Variants in ZFPM2 observed in about 807,000 individuals in gnomAD.
ZFPM2 encodes zinc finger protein, FOG family member 2.
ZFPM2 carries 20 observed loss-of-function variants against 98.6 expected under a neutral mutation model. That is an observed-to-expected ratio of 0.20 (90% confidence interval 0.14 to 0.29). The LOEUF is 0.29. ZFPM2 is among the 10% of genes least tolerant of loss of function. ZFPM2 has a pLI of 1.00. For synonymous variants in ZFPM2, 518 were observed against 502.7 expected, an observed-to-expected ratio of 1.03 and a Z score of -0.41; for missense variants, 1,310 against 1,388.6, an observed-to-expected ratio of 0.94 and a Z score of 0.90.
intron 4 of ZFPM2, among the ~76,000 whole-genome samples, chr8:105,629,198 C>T (rs1382425511): frequency 6.6e-6 from 1 of 152,184 alleles, no homozygotes; most frequent in East Asian, 1.9e-4. Context: ...TGCTTGTTCA[C>T]TCCAGTTCCC....
intron 1 of ZFPM2, among the ~76,000 whole-genome samples, chr8:105,364,472 A>G (rs1292854315): frequency 6.6e-6 from 1 of 152,092 alleles, no homozygotes; most frequent in Non-Finnish European, 1.5e-5. Context: ...TATTCATCTC[A>G]ACTACAAATT....
rs527954033 is a variant in ZFPM2 at position 105,642,250 on chromosome 8, C to A, written c.532+7893C>A. On this transcript the variant is annotated intron_variant, in intron 5 of 7. Transcript: ENST00000407775. ...TCTAGGTGAAAAAAGGCAGAATATG[C>A]GGCTTTGTGCCTAACATGATTATGC... Among the ~76,000 whole-genome samples, 9 of 152,048 alleles carry A rather than the reference C, an allele frequency of 5.9e-5. No homozygotes were observed. The East Asian group carries it at 1.2e-3, about 20-fold the overall frequency.
chr8:105,800,134 A>C (rs1415549984), intron 7 of ZFPM2, among the ~76,000 whole-genome samples: 2 of 152,166 alleles, frequency 1.3e-5, no homozygotes, highest in Non-Finnish European at 2.9e-5. Context: ...TTAAGGAGAA[A>C]AAGAGACAAG....
intron 5 of ZFPM2, among the ~76,000 whole-genome samples, chr8:105,691,230 A>AATTTTTTTTTT: frequency 1.2e-5 from 1 of 83,272 alleles, no homozygotes; most frequent in East Asian, 3.3e-4. Context: ...TCCCAAAGAG[A>AATTTTTTTTTT]CTTTTTTTTT....
chr8:105,648,735 G>A (rs1295282956), intron 5 of ZFPM2, among the ~76,000 whole-genome samples: 5 of 152,064 alleles, frequency 3.3e-5, no homozygotes, highest in South Asian at 2.1e-4. Context: ...CCATTGGTCT[G>A]TATCTCTGTT....
intron 4 of ZFPM2, among the ~76,000 whole-genome samples, chr8:105,620,020 G>T (rs1284311882): frequency 1.3e-5 from 2 of 152,124 alleles, no homozygotes; most frequent in African/African-American, 4.8e-5. Context: ...ATAACAGCAT[G>T]ATTTATAATC....
chr8:105,432,200 C>G (rs1812034701), intron 2 of ZFPM2, among the ~76,000 whole-genome samples: 1 of 151,916 alleles, frequency 6.6e-6, no homozygotes, highest in South Asian at 2.1e-4. Flanking sequence ...CAAATCTGAG[C>G]TTTCCATAAG....
intron 3 of ZFPM2, among the ~76,000 whole-genome samples, chr8:105,538,609 C>A (rs1415992606): frequency 6.6e-6 from 1 of 151,988 alleles, no homozygotes; most frequent in African/African-American, 2.4e-5. Context: ...AAAACATTAT[C>A]CGTGACTTTA....
intron 5 of ZFPM2, among the ~76,000 whole-genome samples, chr8:105,756,146 G>C (rs1812590261): frequency 6.6e-6 from 1 of 152,082 alleles, no homozygotes; most frequent in African/African-American, 2.4e-5. Flanking sequence ...CATTGTGCTG[G>C]CTGTTTATTG....
chr8:105,768,187 C>A (rs1227105217), intron 5 of ZFPM2, among the ~76,000 whole-genome samples: 1 of 149,328 alleles, frequency 6.7e-6, no homozygotes, highest in Non-Finnish European at 1.5e-5. Context: ...TGCATTTGTC[C>A]TTCATTACCA....
intron 1 of ZFPM2, among the ~76,000 whole-genome samples, chr8:105,334,616 A>G (rs1019905830): frequency 1.3e-5 from 2 of 151,636 alleles, no homozygotes; most frequent in East Asian, 1.9e-4. Flanking sequence ...TTAAAATTCA[A>G]TGTATTCATT....
At chr8:105,559,193 T>G (rs151079913) in intron 3 of ZFPM2, among the ~76,000 whole-genome samples, 103 of 152,302 alleles carry the variant, frequency 6.8e-4, no homozygotes, top group African/African-American at 2.3e-3. Flanking sequence ...ATAAATGGAT[T>G]TGTTATTCTG....
chr8:105,582,883 C>A (rs893439419), intron 4 of ZFPM2, among the ~76,000 whole-genome samples: 5 of 152,192 alleles, frequency 3.3e-5, no homozygotes, highest in Non-Finnish European at 7.3e-5. Flanking sequence ...GGTGAGCCAC[C>A]GTGCCCCTCC....
intron 1 of ZFPM2, among the ~76,000 whole-genome samples, chr8:105,406,421 G>T (rs1054532332): frequency 6.6e-6 from 1 of 151,966 alleles, no homozygotes; most frequent in Non-Finnish European, 1.5e-5. Context: ...GCTGAAACTG[G>T]ATCCCTTCCT....
chr8:105,671,572 T>C (rs889152628), intron 5 of ZFPM2, among the ~76,000 whole-genome samples: 1 of 152,126 alleles, frequency 6.6e-6, no homozygotes, highest in Non-Finnish European at 1.5e-5. Context: ...GTCAAATTCA[T>C]GCATCTTTCC....
chr8:105,688,590 T>A (rs1810800211), intron 5 of ZFPM2, among the ~76,000 whole-genome samples: 1 of 152,162 alleles, frequency 6.6e-6, no homozygotes, highest in South Asian at 2.1e-4. Flanking sequence ...GTATTTGATC[T>A]ATAAACTATT....
intron 1 of ZFPM2, among the ~76,000 whole-genome samples, chr8:105,327,462 C>T (rs1298072187): frequency 2.0e-5 from 3 of 151,424 alleles, no homozygotes; most frequent in Non-Finnish European, 4.4e-5. Context: ...TGTGGTATGT[C>T]CTGAAATTAT....
chr8:105,570,700 T>C (rs935904526), intron 4 of ZFPM2, among the ~76,000 whole-genome samples: 4 of 152,212 alleles, frequency 2.6e-5, no homozygotes, highest in Non-Finnish European at 4.4e-5. Context: ...CTTTTTCTCC[T>C]GATGGTGAAG....
chr8:105,351,383 TTG>T (rs895203164), intron 1 of ZFPM2, among the ~76,000 whole-genome samples: 4 of 74,574 alleles, frequency 5.4e-5, no homozygotes, highest in South Asian at 5.2e-4. Context: ...GTGTGTGTGT[TTG>T]TGTGTGTGTG....
Sources: gnomAD v4.1 joint callset for allele counts (sites outside exome capture counted in the v4.1 genomes callset) on GRCh38, gnomAD v4.1.1 for gene constraint, MANE v1.5 for transcripts, NCBI Gene and HGNC (gene_info 2026-07-23, HGNC 2026-07-21) for gene names.